The following C12orf54 variants were observed in gnomAD, a reference collection of about 807,000 sequenced individuals.
The protein encoded by C12orf54 is chromosome 12 open reading frame 54.
A neutral mutation model predicts 26.4 loss-of-function variants in C12orf54; 24 were observed. That is an observed-to-expected ratio of 0.91 (90% CI 0.66 to 1.28). C12orf54 has a LOEUF of 1.28. Among genes scored for constraint, C12orf54 ranks in the 50% most tolerant of loss-of-function variants. The pLI, the probability that C12orf54 is intolerant of heterozygous loss-of-function variation, is 0.00. For synonymous variants in C12orf54, 54 were observed against 47.0 expected (o/e 1.15, Z -0.61); for missense variants, 154 against 150.9 (o/e 1.02, Z -0.11).
the C12orf54 span, among the ~76,000 whole-genome samples, chr12:48,473,873 G>A: frequency 6.6e-6 from 1 of 152,190 alleles, no homozygotes; most frequent in Admixed American, 6.5e-5. Flanking sequence ...TCGCGGAACT[G>A]CTAGAGGCAT....
At chr12:48,474,568 TA>T in the C12orf54 span, among the ~76,000 whole-genome samples, 10 of 152,136 alleles carry the variant, frequency 6.6e-5, no homozygotes, top group East Asian at 5.8e-4. Flanking sequence ...CCAATGGGCT[TA>T]AAAAAAGCAC....
At chr12:48,441,481 G>A in the C12orf54 span, among the ~76,000 whole-genome samples, 1 of 152,050 alleles carries the variant, frequency 6.6e-6, no homozygotes, top group Non-Finnish European at 1.5e-5. Context: ...AAAATCCTAA[G>A]AGAGTAAATG....
At chr12:48,424,705 A>G in the C12orf54 span, among the ~76,000 whole-genome samples, 2 of 152,130 alleles carry the variant, frequency 1.3e-5, no homozygotes, top group Admixed American at 1.3e-4. Context: ...ACTCATAGGC[A>G]TTTACCAAGA....
chr12:48,426,207 T>G, the C12orf54 span, among the ~76,000 whole-genome samples: 2,643 of 152,254 alleles, frequency 0.017, 82 homozygotes, highest in African/African-American at 0.06. Context: ...CCAAGGTTTT[T>G]ATAGTTTTGT....
the C12orf54 span, among the ~76,000 whole-genome samples, chr12:48,467,855 G>A: frequency 6.6e-6 from 1 of 151,832 alleles, no homozygotes; most frequent in Non-Finnish European, 1.5e-5. Context: ...TTTGTTGGGG[G>A]GCCATGTAAC....
the C12orf54 span, among the ~76,000 whole-genome samples, chr12:48,421,049 A>G: frequency 3.3e-5 from 5 of 152,190 alleles, no homozygotes; most frequent in African/African-American, 1.2e-4. Flanking sequence ...TCCTCTCCAC[A>G]GGCACCTCTT....
the C12orf54 span, among the ~76,000 whole-genome samples, chr12:48,418,028 A>C: frequency 1.3e-5 from 2 of 152,194 alleles, no homozygotes. Flanking sequence ...TAGAAAAAAA[A>C]ATTTAGATAG....
chr12:48,477,339 A>G, the C12orf54 span, among the ~76,000 whole-genome samples: 1 of 152,222 alleles, frequency 6.6e-6, no homozygotes, highest in East Asian at 1.9e-4. Flanking sequence ...TAAAAGAACT[A>G]GAAAAGCAAG....
chr12:48,419,002 G>C, the C12orf54 span, among the ~76,000 whole-genome samples: 1 of 151,854 alleles, frequency 6.6e-6, no homozygotes. Context: ...GACAGAACTA[G>C]AGATCATTAT....
At chr12:48,491,140 G>A (rs1004390998) in intron 6 of C12orf54, among the ~76,000 whole-genome samples, 2 of 152,152 alleles carry the variant, frequency 1.3e-5, no homozygotes, top group Non-Finnish European at 2.9e-5. Flanking sequence ...CTGCTAGAAC[G>A]GAATACCATA....
At chr12:48,447,296 C>T in the C12orf54 span, among the ~76,000 whole-genome samples, 6 of 151,110 alleles carry the variant, frequency 4.0e-5, no homozygotes, top group African/African-American at 1.5e-4. Context: ...ATCTACAAGC[C>T]AGGAAGTGGC....
chr12:48,433,779 C>T, the C12orf54 span, among the ~76,000 whole-genome samples: 3 of 151,858 alleles, frequency 2.0e-5, no homozygotes, highest in East Asian at 1.9e-4. Context: ...TCTTTGCCAG[C>T]GGTGGAGCCA....
intron 3 of C12orf54, 109 bp from the exon 4 acceptor site, chr12:48,486,579 C>A: frequency 8.5e-7 from 1 of 1,182,790 alleles, no homozygotes; most frequent in Non-Finnish European, 1.2e-6. Flanking sequence ...TTTGGGTGTC[C>A]AGCTCAATTC....
At chr12:48,436,876 G>A in the C12orf54 span, among the ~76,000 whole-genome samples, 2 of 152,266 alleles carry the variant, frequency 1.3e-5, no homozygotes, top group Non-Finnish European at 2.9e-5. Context: ...ACATTCAAAA[G>A]CTAGCAGAAG....
At chr12:48,458,131 AGAAAT>A in the C12orf54 span, among the ~76,000 whole-genome samples, 1 of 152,228 alleles carries the variant, frequency 6.6e-6, no homozygotes, top group Non-Finnish European at 1.5e-5. Context: ...CAGAAATATC[AGAAAT>A]GCAGAAAAGG....
the C12orf54 span, among the ~76,000 whole-genome samples, chr12:48,428,905 G>A: frequency 0.017 from 2,554 of 152,208 alleles, 228 homozygotes; most frequent in East Asian, 0.28. Flanking sequence ...GAACGTAGAT[G>A]CTAAATCCTT....
chr12:48,456,142 C>T, the C12orf54 span, among the ~76,000 whole-genome samples: 1 of 152,232 alleles, frequency 6.6e-6, no homozygotes, highest in African/African-American at 2.4e-5. Flanking sequence ...GTAGGGAAAA[C>T]ACATTTTTTA....
chr12:48,440,792 T>C, the C12orf54 span, among the ~76,000 whole-genome samples: 1 of 152,254 alleles, frequency 6.6e-6, no homozygotes, highest in African/African-American at 2.4e-5. Flanking sequence ...ATGTCTATAC[T>C]TGCAATTCTA....
the C12orf54 span, among the ~76,000 whole-genome samples, chr12:48,433,637 C>T: frequency 6.6e-5 from 10 of 152,212 alleles, no homozygotes; most frequent in African/African-American, 1.4e-4. Context: ...TTAGTAGAGA[C>T]GGGGTTTCAC....
Sources: allele counts gnomAD v4.1 joint callset (sites outside exome capture counted in the v4.1 genomes callset), GRCh38; gene constraint gnomAD v4.1.1; transcripts MANE v1.5; gene names NCBI Gene and HGNC (gene_info 2026-07-23, HGNC 2026-07-21).